CHRNA7: variants seen among roughly 807,000 people sequenced by gnomAD.
CHRNA7 encodes the protein neuronal acetylcholine receptor subunit alpha-7.
In CHRNA7, 17 loss-of-function variants were observed where a neutral mutation model predicts 48.0. The observed-to-expected ratio is 0.35, with a 90% CI of 0.24 to 0.53. The LOEUF (loss-of-function observed/expected upper bound fraction) is 0.53, where lower values mean the gene tolerates loss of function less well. CHRNA7 is among the 20% of genes least tolerant of loss of function. CHRNA7 has a pLI of 0.92. For synonymous variants in CHRNA7, 75 were observed against 242.3 expected (o/e 0.31, Z 6.41); for missense variants, 155 against 577.7 (o/e 0.27, Z 7.50).
intron 2 of CHRNA7, 56 bp from the exon 3 acceptor site, chr15:32,101,243 CTCAT>C (rs2050564855): frequency 1.3e-6 from 2 of 1,548,500 alleles, no homozygotes; most frequent in Non-Finnish European, 1.8e-6. Context: ...GAATAATTGT[CTCAT>C]TCTTTCTTTT....
intron 2 of CHRNA7, among the ~76,000 whole-genome samples, chr15:32,084,595 A>G (rs934502901): frequency 6.6e-6 from 1 of 152,198 alleles, no homozygotes. Flanking sequence ...GATATTTTTA[A>G]TAAATGTGCA....
intron 2 of CHRNA7, among the ~76,000 whole-genome samples, chr15:32,048,366 C>T (rs1276869411): frequency 6.6e-6 from 1 of 152,148 alleles, no homozygotes; most frequent in African/African-American, 2.4e-5. Context: ...CTGGTCTATT[C>T]AGAGATTCAA....
intron 2 of CHRNA7, among the ~76,000 whole-genome samples, chr15:32,077,057 C>T (rs2050146108): frequency 6.6e-6 from 1 of 152,104 alleles, no homozygotes; most frequent in African/African-American, 2.4e-5. Flanking sequence ...AGAATGTAGC[C>T]TTTTCAGATT....
intron 2 of CHRNA7, among the ~76,000 whole-genome samples, chr15:32,073,627 G>A (rs1407362573): frequency 6.6e-6 from 1 of 152,100 alleles, no homozygotes; most frequent in Non-Finnish European, 1.5e-5. Context: ...GGAGGCAGGG[G>A]CTGGTGGAAG....
intron 2 of CHRNA7, among the ~76,000 whole-genome samples, chr15:32,035,842 G>T (rs926237160): frequency 7.2e-5 from 11 of 152,188 alleles, no homozygotes; most frequent in Admixed American, 2.0e-4. Context: ...AAGGTACAGA[G>T]ATTTCCCACA....
At position 32,050,061 on chromosome 15, in the gene CHRNA7, C is replaced by A. The variant is rs537282446; in HGVS notation, c.195+19024C>A. Among the ~76,000 whole-genome samples the A allele has an allele frequency of 2.2e-4, 33 of 152,322 alleles. No homozygotes were observed. The South Asian group carries it at 3.9e-3, about 18-fold the overall frequency. On this transcript the variant is annotated intron_variant, in intron 2 of 9. Transcript: ENST00000306901. ...CCTTTGTGGGTAACCCGACCTTTCT[C>A]TCTGGCTGCCCTTAACGTTTTTTCT...
At chr15:32,116,669 C>A (rs567716351) in intron 4 of CHRNA7, among the ~76,000 whole-genome samples, 1 of 152,222 alleles carries the variant, frequency 6.6e-6, no homozygotes, top group Non-Finnish European at 1.5e-5. Flanking sequence ...GTCTGAATCC[C>A]GCAACTCTGC....
At chr15:32,073,616 T>G (rs1278380215) in intron 2 of CHRNA7, among the ~76,000 whole-genome samples, 1 of 152,186 alleles carries the variant, frequency 6.6e-6, no homozygotes, top group Non-Finnish European at 1.5e-5. Context: ...TCCTCAATAT[T>G]GGAGGCAGGG....
intron 2 of CHRNA7, among the ~76,000 whole-genome samples, chr15:32,084,373 C>T (rs2050262197): frequency 6.6e-6 from 1 of 152,162 alleles, no homozygotes; most frequent in Non-Finnish European, 1.5e-5. Context: ...GTAGGACTTC[C>T]ATTGAATTCT....
At chr15:32,049,509 C>T (rs902462415) in intron 2 of CHRNA7, among the ~76,000 whole-genome samples, 26 of 152,152 alleles carry the variant, frequency 1.7e-4, no homozygotes, top group African/African-American at 6.0e-4. Context: ...GTAGATCTTC[C>T]TCCATCCTTT....
chr15:32,113,708 C>G (rs1213005498), intron 4 of CHRNA7, among the ~76,000 whole-genome samples: 1 of 152,036 alleles, frequency 6.6e-6, no homozygotes, highest in Non-Finnish European at 1.5e-5. Flanking sequence ...GATGAGGATT[C>G]CTGCTTTTAG....
At chr15:32,059,690 C>A (rs1410971167) in intron 2 of CHRNA7, among the ~76,000 whole-genome samples, 1 of 152,016 alleles carries the variant, frequency 6.6e-6, no homozygotes, top group Non-Finnish European at 1.5e-5. Context: ...CAGAAAGAGA[C>A]AACTGAGCGA....
chr15:32,144,386 A>G (rs554066814), intron 4 of CHRNA7, among the ~76,000 whole-genome samples: 1 of 151,956 alleles, frequency 6.6e-6, no homozygotes, highest in Admixed American at 6.6e-5. Flanking sequence ...TCTGAAAATT[A>G]TGTGTCTTGG....
chr15:32,068,959 TA>T (rs1269913059), intron 2 of CHRNA7, among the ~76,000 whole-genome samples: 1 of 152,112 alleles, frequency 6.6e-6, no homozygotes, highest in African/African-American at 2.4e-5. Flanking sequence ...ACTAGACAGT[TA>T]AAAAATAAAT....
intron 4 of CHRNA7, among the ~76,000 whole-genome samples, chr15:32,150,528 C>T (rs770513807): frequency 3.3e-5 from 5 of 152,140 alleles, no homozygotes; most frequent in Admixed American, 2.0e-4. Context: ...GATTCAAATG[C>T]GTGCAAATTC....
intron 3 of CHRNA7, 196 bp from the exon 4 acceptor site, chr15:32,111,594 A>G: frequency 1.9e-6 from 1 of 533,622 alleles, no homozygotes; most frequent in Non-Finnish European, 3.3e-6. Context: ...AGAACCTTAA[A>G]TGTGAGTTTT....
intron 4 of CHRNA7, among the ~76,000 whole-genome samples, chr15:32,128,057 T>A (rs2051098149): frequency 6.6e-6 from 1 of 152,076 alleles, no homozygotes; most frequent in South Asian, 2.1e-4. Flanking sequence ...CCAGGTCCAC[T>A]CATTGAGAAG....
chr15:32,104,573 T>A (rs1305319796), intron 3 of CHRNA7, among the ~76,000 whole-genome samples: 1 of 152,186 alleles, frequency 6.6e-6, no homozygotes, highest in African/African-American at 2.4e-5. Flanking sequence ...GTGTGCACAG[T>A]GTGGGGGACA....
chr15:32,030,798 G>T (rs1901785302), intron 1 of CHRNA7, 100 bp from the exon 2 acceptor site: 1 of 1,524,040 alleles, frequency 6.6e-7, no homozygotes, highest in Non-Finnish European at 8.8e-7. Flanking sequence ...TGCTTGTCTG[G>T]GCTGCACCGG....
Sources: gnomAD v4.1 joint callset for allele counts (sites outside exome capture counted in the v4.1 genomes callset) on GRCh38, gnomAD v4.1.1 for gene constraint, MANE v1.5 for transcripts, NCBI Gene and HGNC (gene_info 2026-07-23, HGNC 2026-07-21) for gene names.